The following EEF1AKMT2 variants were observed in gnomAD, a reference collection of about 807,000 sequenced individuals.
The protein encoded by EEF1AKMT2 is EEF1A lysine methyltransferase 2, also known as eukaryotic translation elongation factor 1 alpha lysine methyltransferase 2.
Under a neutral mutation model 35.8 loss-of-function variants are expected in EEF1AKMT2, and 32 were observed. The ratio of observed to expected loss-of-function variants is 0.89; its 90% CI spans 0.67 to 1.20. EEF1AKMT2 has a LOEUF of 1.20. Among genes scored for constraint, EEF1AKMT2 ranks in the 50% most tolerant of loss-of-function variants. The pLI is 0.00. For synonymous variants in EEF1AKMT2, 121 were observed against 133.7 expected, an observed-to-expected ratio of 0.91 and a Z score of 0.65; for missense variants, 330 against 347.5, an observed-to-expected ratio of 0.95 and a Z score of 0.40.
Position 124,769,218 on chromosome 10 carries a change from C to CACAAAAAAAAAAAAAAAAAAAAAAAA in EEF1AKMT2, c.400-3611_400-3610insTTTTTTTTTTTTTTTTTTTTTTTTGT, listed in dbSNP as rs754443902. Among the ~76,000 whole-genome samples the CACAAAAAAAAAAAAAAAAAAAAAAAA allele has an allele frequency of 2.3e-3, 73 of 31,292 alleles. 31 individuals carry two copies. Among genetic ancestry groups the CACAAAAAAAAAAAAAAAAAAAAAAAA allele is most frequent in the African/African-American group, 5.3e-3 (45 of 8,530 alleles). The allele number at this position is 31,292 out of a possible 152,430, so 20.5% of individuals were successfully genotyped here. On this transcript the variant is annotated intron_variant, in intron 4 of 6. Coordinates refer to ENST00000368836, the MANE Select transcript of EEF1AKMT2 (RefSeq NM_212554.4). ...GGGCTACAGGGCAAGACACTGTCTC[C>CACAAAAAAAAAAAAAAAAAAAAAAAA]AAAAAAAAAAAAAAAATATATATAT...
chr10:124,787,656 G>A (rs1305546176), intron 3 of EEF1AKMT2, among the ~76,000 whole-genome samples: 1 of 151,704 alleles, frequency 6.6e-6, no homozygotes, highest in Non-Finnish European at 1.5e-5. Context: ...TGAGGCGACA[G>A]GATCGCTTGA....
intron 4 of EEF1AKMT2, among the ~76,000 whole-genome samples, chr10:124,774,377 A>C (rs1950469185): frequency 1.1e-5 from 1 of 89,708 alleles, no homozygotes; most frequent in South Asian, 3.3e-4. Flanking sequence ...TCAGTCTCAA[A>C]AAAAAAAAAA....
At chr10:124,777,417 T>C (rs1449879643) in intron 3 of EEF1AKMT2, among the ~76,000 whole-genome samples, 3 of 152,100 alleles carry the variant, frequency 2.0e-5, no homozygotes, top group African/African-American at 7.2e-5. Flanking sequence ...ACACTTAGGC[T>C]ACATGGTATG....
At chr10:124,779,769 A>AAAAAC (rs1275750539) in intron 3 of EEF1AKMT2, among the ~76,000 whole-genome samples, 2 of 138,634 alleles carry the variant, frequency 1.4e-5, no homozygotes, top group African/African-American at 5.7e-5. Context: ...AAAAAAAAAA[A>AAAAAC]AGAAACAGAA....
In EEF1AKMT2 at chr10:124,775,921, T is replaced by C. The variant is rs1950483380; in HGVS notation, c.292-1139A>G. On this transcript the variant is annotated intron_variant, in intron 3 of 6. Coordinates refer to ENST00000368836, the MANE Select transcript of EEF1AKMT2 (RefSeq NM_212554.4). Reference sequence around the variant, plus strand: ...TATTAACTGATTCTTACCGGTTCCTTCTTTTTTTTTTTTTGAGACAGAGTC... The same window carrying C: ...TATTAACTGATTCTTACCGGTTCCTCCTTTTTTTTTTTTTGAGACAGAGTC... Among the ~76,000 whole-genome samples the C allele has an allele frequency of 2.0e-5, 3 of 151,582 alleles. No individual in the cohort carries two copies. The South Asian group carries it at 6.2e-4, about 32-fold the overall frequency.
intron 3 of EEF1AKMT2, among the ~76,000 whole-genome samples, chr10:124,788,729 T>TATATATATATATATATATAC (rs57124028): frequency 7.1e-6 from 1 of 141,320 alleles, no homozygotes; most frequent in African/African-American, 2.5e-5. Context: ...TATATATATA[T>TATATATATATATATATATAC]GCATTTCTAG....
At chr10:124,785,116 G>A (rs1406676492) in intron 3 of EEF1AKMT2, among the ~76,000 whole-genome samples, 1 of 150,636 alleles carries the variant, frequency 6.6e-6, no homozygotes, top group East Asian at 2.0e-4. Context: ...GCGTGGTGTT[G>A]CGCTCCTGTA....
At chr10:124,784,010 G>A (rs533477735) in intron 3 of EEF1AKMT2, among the ~76,000 whole-genome samples, 1 of 152,156 alleles carries the variant, frequency 6.6e-6, no homozygotes, top group East Asian at 1.9e-4. Flanking sequence ...TTTTAGTAGA[G>A]ACAAGGTTTC....
At chr10:124,767,251 C>T (rs566844861) in intron 4 of EEF1AKMT2, among the ~76,000 whole-genome samples, 380 of 149,864 alleles carry the variant, frequency 2.5e-3, no homozygotes, top group South Asian at 0.01. Flanking sequence ...CAGTGGCTCA[C>T]GCCTGTAATC....
intron 2 of EEF1AKMT2, among the ~76,000 whole-genome samples, chr10:124,789,594 C>T (rs899504835): frequency 6.6e-6 from 1 of 151,658 alleles, no homozygotes; most frequent in Non-Finnish European, 1.5e-5. Context: ...CCTGTCTCTA[C>T]AAAAAAGAAA....
At position 124,779,741 on chromosome 10, in the gene EEF1AKMT2, C is replaced by A. The variant is rs1282973043; in HGVS notation, c.292-4959G>T. On this transcript the variant is annotated intron_variant, in intron 3 of 6. Transcript: ENST00000368836. Reference sequence around the variant, plus strand: ...CCAGCCTGGGCGACAGAGCGAGACTCCATCTCAAAAAAAAAAAAAAAAAAA... The same window carrying A: ...CCAGCCTGGGCGACAGAGCGAGACTACATCTCAAAAAAAAAAAAAAAAAAA... Among the ~76,000 whole-genome samples the A allele has an allele frequency of 8.0e-5, 5 of 62,336 alleles. No homozygotes were observed. The South Asian group carries it at 3.1e-3, about 39-fold the overall frequency. The allele number at this position is 62,336 out of a possible 152,430, so 40.9% of individuals were successfully genotyped here.
chr10:124,761,726 C>A lies in EEF1AKMT2; in HGVS notation c.875+574G>T, dbSNP rs557076513. ...ATCACTTAAGGCTAGGTATTCAAGA[C>A]CAGCCGGGGCAACATGGCGAAACCC... On this transcript the variant is annotated intron_variant, in intron 6 of 6. Coordinates refer to ENST00000368836, the MANE Select transcript of EEF1AKMT2 (RefSeq NM_212554.4). 1.8e-4 allele frequency among the ~76,000 whole-genome samples: 27 copies of A among 152,256 alleles called. No homozygotes were observed. The East Asian group carries it at 5.0e-3, about 28-fold the overall frequency.
At chr10:124,764,721 T>A (rs1331739914) in intron 5 of EEF1AKMT2, among the ~76,000 whole-genome samples, 1 of 152,230 alleles carries the variant, frequency 6.6e-6, no homozygotes, top group Non-Finnish European at 1.5e-5. Context: ...AAAGTATCTA[T>A]AATATCAAAA....
chr10:124,787,433 CAAAAAAAAAAAAAAA>C (rs398015024), intron 3 of EEF1AKMT2, among the ~76,000 whole-genome samples: 1 of 37,434 alleles, frequency 2.7e-5, no homozygotes, highest in Non-Finnish European at 4.2e-5. Context: ...GACTCTGTCT[CAAAAAAAAAAAAAAA>C]AAAAAAAAAG....
At position 124,759,191 on chromosome 10, in the gene EEF1AKMT2, A is replaced by T. The variant is rs1416599113; in HGVS notation, c.*1312T>A. Reference sequence around the variant, plus strand: ...TTACCACAAATACAAAATGGTATTAAGTATGAATATGACTTATCTTTTCAA... The same window carrying T: ...TTACCACAAATACAAAATGGTATTATGTATGAATATGACTTATCTTTTCAA... On this transcript the variant is annotated 3_prime_UTR_variant, in exon 7 of 7. Transcript: ENST00000368836. The T allele has an allele frequency of 6.6e-6, 1 of 152,248 alleles. No homozygotes were observed. Among genetic ancestry groups the T allele is most frequent in the Non-Finnish European group, 1.5e-5 (1 of 68,038 alleles). The allele number at this position is 152,248 out of a possible 1,614,324, so 9.4% of individuals were successfully genotyped here.
At chr10:124,778,541 T>C (rs1788066660) in intron 3 of EEF1AKMT2, among the ~76,000 whole-genome samples, 1 of 151,850 alleles carries the variant, frequency 6.6e-6, no homozygotes, top group Non-Finnish European at 1.5e-5. Context: ...CTGGCCAATA[T>C]GGTGAAACCC....
chr10:124,757,166 C>CCACACACACACACACACACA (rs55709011), downstream of EEF1AKMT2, among the ~76,000 whole-genome samples: 3 of 143,282 alleles, frequency 2.1e-5, no homozygotes, highest in South Asian at 2.3e-4. Flanking sequence ...ACACTCCCTC[C>CCACACACACACACACACACA]CACACACACA....
intron 4 of EEF1AKMT2, among the ~76,000 whole-genome samples, chr10:124,773,695 G>A (rs1425804496): frequency 6.6e-6 from 1 of 152,088 alleles, no homozygotes; most frequent in African/African-American, 2.4e-5. Flanking sequence ...ACAGTTCATG[G>A]CACGCCAAAA....
chr10:124,778,974 A>C (rs1236754402), intron 3 of EEF1AKMT2, among the ~76,000 whole-genome samples: 1 of 152,202 alleles, frequency 6.6e-6, no homozygotes, highest in Admixed American at 6.5e-5. Flanking sequence ...AGTAGTACGT[A>C]TAAGAAATGG....
Sources: allele counts gnomAD v4.1 joint callset (sites outside exome capture counted in the v4.1 genomes callset), GRCh38; gene constraint gnomAD v4.1.1; transcripts MANE v1.5; gene names NCBI Gene and HGNC (gene_info 2026-07-23, HGNC 2026-07-21).